FER1L6: variants seen among roughly 807,000 people sequenced by gnomAD.
FER1L6 encodes the protein fer-1-like protein 6.
A neutral mutation model predicts 219.2 loss-of-function variants in FER1L6; 177 were observed. The ratio of observed to expected loss-of-function variants is 0.81; its 90% CI spans 0.71 to 0.91. The LOEUF (loss-of-function observed/expected upper bound fraction) is 0.91, where lower values mean the gene tolerates loss of function less well. Ranked by LOEUF, FER1L6 falls within the 40% of genes least tolerant of loss-of-function variation. The probability of loss-of-function intolerance (pLI) is 0.00; values close to 1 mark genes in which losing one functional copy is unlikely to be tolerated. For missense variants in FER1L6, 2,153 were observed against 2,259.9 expected (o/e 0.95, Z 0.96); for synonymous variants, 768 against 824.3 (o/e 0.93, Z 1.17).
intron 1 of FER1L6, chr8:123,925,742 G>T (rs570473936): frequency 6.6e-6 from 1 of 152,326 alleles, no homozygotes; most frequent in South Asian, 2.1e-4. Flanking sequence ...GACCATTGCC[G>T]TCTGGGGTTG....
chr8:124,017,211 C>T (rs1214662282), intron 15 of FER1L6, among the ~76,000 whole-genome samples: 2 of 152,116 alleles, frequency 1.3e-5, no homozygotes, highest in Admixed American at 1.3e-4. Flanking sequence ...ACTACTCAGT[C>T]TTTCCTATTG....
intron 17 of FER1L6, among the ~76,000 whole-genome samples, chr8:124,022,554 T>C (rs948501054): frequency 6.6e-6 from 1 of 152,246 alleles, no homozygotes; most frequent in African/African-American, 2.4e-5. Context: ...GCAATTTAGC[T>C]GAGTTCCTGC....
intron 13 of FER1L6, among the ~76,000 whole-genome samples, chr8:124,009,255 C>T (rs1488216331): frequency 1.3e-5 from 2 of 152,184 alleles, no homozygotes; most frequent in Non-Finnish European, 2.9e-5. Context: ...CAAGACCTTG[C>T]CTTTTAAAAA....
intron 15 of FER1L6, among the ~76,000 whole-genome samples, chr8:124,015,381 G>A (rs1253789637): frequency 6.6e-6 from 1 of 151,628 alleles, no homozygotes; most frequent in African/African-American, 2.4e-5. Context: ...GCAAATATGA[G>A]AACTTGTCAT....
At position 124,071,949 on chromosome 8, in the gene FER1L6, A is replaced by G. The variant is rs545330626; in HGVS notation, c.4092+318A>G. Among the ~76,000 whole-genome samples, 10 of 152,286 alleles carry G rather than the reference A, an allele frequency of 6.6e-5. 1 individual carries two copies. Among genetic ancestry groups the G allele is most frequent in the African/African-American group, 1.9e-4 (8 of 41,558 alleles). On this transcript the variant is annotated intron_variant, in intron 31 of 40. Coordinates refer to ENST00000522917, the MANE Select transcript of FER1L6 (RefSeq NM_001039112.2). Reference sequence around the variant, plus strand: ...CCTGTCATATTAGAGCAGCACCACTATGACCTCATTTAACCTTAATTACCT... The same window carrying G: ...CCTGTCATATTAGAGCAGCACCACTGTGACCTCATTTAACCTTAATTACCT...
chr8:124,096,575 A>C (rs992011703), intron 35 of FER1L6, among the ~76,000 whole-genome samples: 21 of 152,182 alleles, frequency 1.4e-4, no homozygotes, highest in African/African-American at 5.1e-4. Context: ...TGGGCTCTTA[A>C]ATCTCTTGTA....
chr8:123,869,341 C>T (rs1325618000), intron 1 of FER1L6, among the ~76,000 whole-genome samples: 1 of 152,146 alleles, frequency 6.6e-6, no homozygotes, highest in Non-Finnish European at 1.5e-5. Context: ...ACATCTCTTC[C>T]CCTGTGCTCT....
At chr8:124,031,954 T>C (rs1326575839) in intron 18 of FER1L6, among the ~76,000 whole-genome samples, 1 of 152,240 alleles carries the variant, frequency 6.6e-6, no homozygotes, top group Non-Finnish European at 1.5e-5. Context: ...AATTTGCATA[T>C]ATTTTTTTAA....
In FER1L6 at chr8:123,975,896, A is replaced by G; in HGVS notation, c.684-2A>G. The G allele has an allele frequency of 1.9e-6, 3 of 1,567,178 alleles. No homozygotes were observed. The South Asian group carries it at 3.7e-5, about 19-fold the overall frequency. ...TTTCATTTGTTTTTGTCTCCCTCTAAGGAACCTTTTGATCCCCAATGGGTT... is the reference window on the plus strand; with the variant it reads ...TTTCATTTGTTTTTGTCTCCCTCTAGGGAACCTTTTGATCCCCAATGGGTT... On this transcript the variant is annotated splice_acceptor_variant, in intron 8 of 40. Transcript: ENST00000522917. LOFTEE classifies it high-confidence loss of function.
rs1777999075 is a variant in FER1L6 at position 124,003,246 on chromosome 8, T to A, written c.1599T>A (p.Leu533=). 1 of 1,613,988 alleles carries A rather than the reference T, an allele frequency of 6.2e-7. No homozygotes were observed. The highest frequency in any genetic ancestry group is 1.7e-5 in the Admixed American group (1 of 59,998). Reference sequence around the variant, plus strand: ...CTGAATCAGCTGAAGAAGACCTCCTTCCACTGCTTCACGAAGGGCAAGGGG... The same window carrying A: ...CTGAATCAGCTGAAGAAGACCTCCTACCACTGCTTCACGAAGGGCAAGGGG... The part of the protein sequence containing the change: ...KSAESAEEDL[L]PLLHEGQGDV... Residue 533 remains leucine (L), a synonymous_variant, in exon 13 of 41, where the codon CTT becomes CTA. Transcript: ENST00000522917.
At chr8:124,103,450 G>T (rs1822630547) in intron 39 of FER1L6, 141 bp downstream of exon 39, 4 of 770,178 alleles carry the variant, frequency 5.2e-6, no homozygotes, top group Non-Finnish European at 6.1e-6. Flanking sequence ...TAAGAAGCAA[G>T]AATTTTTAAA....
chr8:123,990,665 T>C (rs1816815294), intron 12 of FER1L6, among the ~76,000 whole-genome samples: 1 of 152,232 alleles, frequency 6.6e-6, no homozygotes, highest in Non-Finnish European at 1.5e-5. Flanking sequence ...TCCCATTCTA[T>C]GGGTTGTCTG....
At chr8:123,911,094 T>C (rs1308094418) in intron 1 of FER1L6, among the ~76,000 whole-genome samples, 2 of 151,792 alleles carry the variant, frequency 1.3e-5, no homozygotes, top group African/African-American at 4.8e-5. Flanking sequence ...TGGGCAGGAG[T>C]CCATGGAATT....
rs570820467 is a variant in FER1L6 at position 124,025,024 on chromosome 8, A to C, written c.2286+1428A>C. Among the ~76,000 whole-genome samples the C allele has an allele frequency of 1.1e-3, 161 of 151,704 alleles. 2 individuals carry two copies. Among genetic ancestry groups the C allele is most frequent in the South Asian group, 8.3e-3 (40 of 4,794 alleles). On this transcript the variant is annotated intron_variant, in intron 18 of 40. Transcript: ENST00000522917. The stretch of plus-strand genomic sequence containing the variant: ...TATTTTTTCTGGGAGGTGTCTATTC[A>C]TGTCTTTTATGCAGTTTTTAATGGA...
chr8:123,992,363 T>G (rs1479703599), intron 12 of FER1L6, among the ~76,000 whole-genome samples: 1 of 152,200 alleles, frequency 6.6e-6, no homozygotes, highest in Admixed American at 6.5e-5. Context: ...TTTTTTTACA[T>G]TGCTGACTCA....
At chr8:123,983,584 A>C (rs1816420744) in intron 11 of FER1L6, among the ~76,000 whole-genome samples, 1 of 152,186 alleles carries the variant, frequency 6.6e-6, no homozygotes, top group Admixed American at 6.5e-5. Flanking sequence ...TATAATTATT[A>C]AAATGTTAAG....
intron 1 of FER1L6, among the ~76,000 whole-genome samples, chr8:123,922,734 T>A (rs1172528848): frequency 2.0e-5 from 3 of 152,232 alleles, no homozygotes; most frequent in African/African-American, 4.8e-5. Flanking sequence ...GGGTAGCTTA[T>A]AATTGATGTG....
At chr8:123,980,860 A>G in intron 11 of FER1L6, 49 bp downstream of exon 11, 1 of 1,454,798 alleles carries the variant, frequency 6.9e-7, no homozygotes, top group Non-Finnish European at 9.4e-7. Context: ...GGTGAACCAG[A>G]GCAGGGACTG....
intron 24 of FER1L6, 196 bp downstream of exon 24, chr8:124,060,905 C>T: frequency 1.8e-6 from 1 of 542,402 alleles, no homozygotes; most frequent in Non-Finnish European, 3.0e-6. Context: ...ATACAGCAAT[C>T]AAAGCAGGTT....
Sources: allele counts gnomAD v4.1 joint callset (sites outside exome capture counted in the v4.1 genomes callset), GRCh38; gene constraint gnomAD v4.1.1; transcripts MANE v1.5; gene names NCBI Gene and HGNC (gene_info 2026-07-23, HGNC 2026-07-21).